The following NT5E variants were observed in gnomAD, a reference collection of about 807,000 sequenced individuals.
The protein encoded by NT5E is 5'-nucleotidase.
A neutral mutation model predicts 55.1 loss-of-function variants in NT5E; 53 were observed. The ratio of observed to expected loss-of-function variants is 0.96; its 90% CI spans 0.77 to 1.21. The LOEUF (loss-of-function observed/expected upper bound fraction) is 1.21, where lower values mean the gene tolerates loss of function less well. Ranked by LOEUF, NT5E falls within the 50% of genes most tolerant of loss-of-function variation. NT5E has a pLI of 0.00. For missense variants in NT5E, 683 were observed against 724.3 expected (o/e 0.94, Z 0.65); for synonymous variants, 270 against 278.4 (o/e 0.97, Z 0.30).
chr6:85,468,907 G>T (rs1001164955), intron 2 of NT5E, among the ~76,000 whole-genome samples: 5 of 152,186 alleles, frequency 3.3e-5, no homozygotes, highest in Non-Finnish European at 5.9e-5. Context: ...TCCAGCAGCT[G>T]CTGGAAGAGA....
rs963245235 is a variant in NT5E, at chr6:85,494,563, T to C, written c.*559T>C. The C allele has an allele frequency of 1.9e-5, 3 of 156,512 alleles. No individual in the cohort carries two copies. The highest frequency in any genetic ancestry group is 2.8e-5 in the Non-Finnish European group (2 of 70,434). The allele number at this position is 156,512 out of a possible 1,614,324, so 9.7% of individuals were successfully genotyped here. ...ATTCTCAACTATATCAAGTTACTGT[T>C]CAGAATACTTAATATCTCCTCTCTT... On this transcript the variant is annotated 3_prime_UTR_variant, in exon 9 of 9. Transcript: ENST00000257770.
chr6:85,485,492 CT>C (rs1769634625), intron 4 of NT5E, 60 bp downstream of exon 4: 1 of 1,520,172 alleles, frequency 6.6e-7, no homozygotes, highest in African/African-American at 1.4e-5. Context: ...GGATATTTTG[CT>C]CCTTCCCATT....
intron 3 of NT5E, among the ~76,000 whole-genome samples, chr6:85,482,791 C>A (rs997686026): frequency 1.3e-5 from 2 of 152,150 alleles, no homozygotes; most frequent in African/African-American, 2.4e-5. Flanking sequence ...TTCGGCTGAA[C>A]GGCATGGAAT....
intron 5 of NT5E, among the ~76,000 whole-genome samples, chr6:85,488,344 A>G (rs1769708976): frequency 6.6e-6 from 1 of 152,204 alleles, no homozygotes; most frequent in Non-Finnish European, 1.5e-5. Flanking sequence ...ACTGCACTCG[A>G]TAAATGTTTG....
rs1025347300 is a variant in NT5E at position 85,494,180 on chromosome 6, C to T, written c.*176C>T. 5 of 652,724 alleles carry T rather than the reference C, an allele frequency of 7.7e-6. No homozygotes were observed. Among genetic ancestry groups the T allele is most frequent in the Admixed American group, 2.9e-5 (1 of 34,442 alleles). The allele number at this position is 652,724 out of a possible 1,614,324, so 40.4% of individuals were successfully genotyped here. The stretch of plus-strand genomic sequence containing the variant: ...GACATGATTACTCAGGGTCAGCAAC[C>T]TAGTGAGTTAGAAAAAAAATTAACA... On this transcript the variant is annotated 3_prime_UTR_variant, in exon 9 of 9. Transcript: ENST00000257770.
chr6:85,458,656 C>T (rs1236184716), intron 1 of NT5E, among the ~76,000 whole-genome samples: 1 of 152,162 alleles, frequency 6.6e-6, no homozygotes, highest in Non-Finnish European at 1.5e-5. Flanking sequence ...ACTTCTTTTC[C>T]CTCACTTGAA....
chr6:85,462,452 G>A (rs561150068), intron 1 of NT5E, among the ~76,000 whole-genome samples: 3 of 152,094 alleles, frequency 2.0e-5, no homozygotes, highest in Non-Finnish European at 2.9e-5. Flanking sequence ...TGGATGCCAT[G>A]AGCTGCTTAT....
At chr6:85,474,904 A>G (rs950354406) in intron 3 of NT5E, among the ~76,000 whole-genome samples, 4 of 152,204 alleles carry the variant, frequency 2.6e-5, no homozygotes, top group African/African-American at 9.6e-5. Context: ...ACTGAACTCC[A>G]GTCTGAGTGA....
At chr6:85,485,170 C>A in intron 3 of NT5E, 65 bp from the exon 4 acceptor site, 1 of 1,509,106 alleles carries the variant, frequency 6.6e-7, no homozygotes, top group Non-Finnish European at 9.2e-7. Context: ...CAGTAGCCCG[C>A]TGGCCTACAG....
At chr6:85,490,747 G>C in intron 7 of NT5E, 90 bp downstream of exon 7, 6 of 1,468,804 alleles carry the variant, frequency 4.1e-6, no homozygotes, top group Non-Finnish European at 5.7e-6. Context: ...CAAAATTCCT[G>C]TGGTCAAACT....
At chr6:85,463,676 A>G (rs1297659028) in intron 1 of NT5E, among the ~76,000 whole-genome samples, 1 of 152,130 alleles carries the variant, frequency 6.6e-6, no homozygotes, top group East Asian at 1.9e-4. Flanking sequence ...AATCAAAAAT[A>G]ATAGAAACGA....
Position 85,467,348 on chromosome 6 carries a change from T to A in NT5E, c.562+66T>A, listed in dbSNP as rs555831812. 10 of 1,320,800 alleles carry A rather than the reference T, an allele frequency of 7.6e-6. No individual in the cohort carries two copies. In the East Asian group the frequency reaches 2.3e-4, roughly 31 times the overall value. The allele number at this position is 1,320,800 out of a possible 1,614,324, so 81.8% of individuals were successfully genotyped here. On this transcript the variant is annotated intron_variant, in intron 2 of 8. Coordinates refer to ENST00000257770, the MANE Select transcript of NT5E (RefSeq NM_002526.4). ...TGCCCTAAATCACAGCTTGGCATTA[T>A]ATTTATGGACTGTAGATAAAAGTAG...
intron 3 of NT5E, among the ~76,000 whole-genome samples, chr6:85,478,175 C>A (rs1769473891): frequency 6.6e-6 from 1 of 152,190 alleles, no homozygotes; most frequent in Non-Finnish European, 1.5e-5. Flanking sequence ...CTTTACAGAG[C>A]AAAGCCAGAG....
chr6:85,473,500 C>A (rs1769363277), intron 3 of NT5E, among the ~76,000 whole-genome samples: 1 of 152,098 alleles, frequency 6.6e-6, no homozygotes, highest in Admixed American at 6.5e-5. Context: ...ATGTCTCCTC[C>A]CCCTTCTTCC....
Position 85,457,181 on chromosome 6 carries a change from A to G in NT5E, c.339+6703A>G, listed in dbSNP as rs577501305. On this transcript the variant is annotated intron_variant, in intron 1 of 8. Coordinates refer to ENST00000257770, the MANE Select transcript of NT5E (RefSeq NM_002526.4). Reference sequence around the variant, plus strand: ...CTGACAGCTGAGGCCTGCTACCTCAAGCCCTGAAATGCAGTCTGAAGACTT... The same window carrying G: ...CTGACAGCTGAGGCCTGCTACCTCAGGCCCTGAAATGCAGTCTGAAGACTT... 1.4e-4 allele frequency among the ~76,000 whole-genome samples: 22 copies of G among 152,354 alleles called. No individual in the cohort carries two copies. In the South Asian group the frequency reaches 4.4e-3, roughly 30 times the overall value.
chr6:85,477,210 G>A (rs1347058601), intron 3 of NT5E, among the ~76,000 whole-genome samples: 8 of 152,138 alleles, frequency 5.3e-5, no homozygotes, highest in Admixed American at 5.2e-4. Flanking sequence ...TTGCTAGCCT[G>A]GAAGTGTCCA....
At chr6:85,470,598 C>T (rs1423994970) in intron 2 of NT5E, among the ~76,000 whole-genome samples, 3 of 152,126 alleles carry the variant, frequency 2.0e-5, no homozygotes, top group Non-Finnish European at 2.9e-5. Context: ...TGTGCCTCCA[C>T]GCCTGAATAA....
At chr6:85,491,237 A>C in intron 7 of NT5E, 1 of 372,188 alleles carries the variant, frequency 2.7e-6, no homozygotes, top group Non-Finnish European at 5.3e-6. Flanking sequence ...ATGCTTCCTA[A>C]ATTGCCAAGG....
intron 1 of NT5E, among the ~76,000 whole-genome samples, chr6:85,451,119 T>G (rs898514331): frequency 6.6e-6 from 1 of 152,196 alleles, no homozygotes. Flanking sequence ...ATTATAATTG[T>G]ACATAGTGCA....
Sources: allele counts gnomAD v4.1 joint callset (sites outside exome capture counted in the v4.1 genomes callset), GRCh38; gene constraint gnomAD v4.1.1; transcripts MANE v1.5; gene names NCBI Gene and HGNC (gene_info 2026-07-23, HGNC 2026-07-21).